The following ATG4B variants were observed in gnomAD, a reference collection of about 807,000 sequenced individuals.
ATG4B encodes cysteine protease ATG4B.
Under a neutral mutation model 56.6 loss-of-function variants are expected in ATG4B, and 29 were observed. The ratio of observed to expected loss-of-function variants is 0.51; its 90% CI spans 0.38 to 0.70. ATG4B has a LOEUF of 0.70. Ranked by LOEUF, ATG4B falls within the 30% of genes least tolerant of loss-of-function variation. The pLI is 0.00. For missense variants in ATG4B, 461 were observed against 515.5 expected (o/e 0.89, Z 1.02); for synonymous variants, 224 against 206.1 (o/e 1.09, Z -0.74).
In ATG4B at chr2:241,653,573, CT is replaced by C; in HGVS notation, c.249del (p.Phe83LeufsTer10). On this transcript the variant is annotated frameshift_variant, in exon 4 of 13. Coordinates refer to ENST00000404914, the MANE Select transcript of ATG4B (RefSeq NM_013325.5). LOFTEE classifies it high-confidence loss of function. ...GCATGCTGCGGTGTGGACAGATGAT[CT>C]TTGCCCAAGCCCTGGTGTGCCGGCA... The part of the protein sequence containing the change: ...GCMLRCGQMI[F>X]AQALVCRHLG... 6.3e-7 allele frequency: 1 copy of C among 1,578,968 alleles called. No homozygotes were observed. Among genetic ancestry groups the C allele is most frequent in the Non-Finnish European group, 8.6e-7 (1 of 1,162,376 alleles).
At chr2:241,657,677 T>C (rs1179422317) in intron 6 of ATG4B, among the ~76,000 whole-genome samples, 2 of 152,162 alleles carry the variant, frequency 1.3e-5, no homozygotes, top group African/African-American at 4.8e-5. Flanking sequence ...TCAAAATATG[T>C]CCAGACTCTG....
intron 7 of ATG4B, among the ~76,000 whole-genome samples, chr2:241,663,113 A>AAG (rs2068642240): frequency 1.3e-5 from 2 of 152,168 alleles, no homozygotes; most frequent in Non-Finnish European, 2.9e-5. Context: ...CGCCCTCGTA[A>AAG]TCCCAGCTGC....
chr2:241,666,341 G>T (rs1330170263), intron 7 of ATG4B, among the ~76,000 whole-genome samples: 1 of 152,358 alleles, frequency 6.6e-6, no homozygotes, highest in East Asian at 1.9e-4. Flanking sequence ...GGCTGCGTGG[G>T]TACTTCTGTG....
intron 11 of ATG4B, 39 bp from the exon 12 acceptor site, chr2:241,671,273 G>A: frequency 6.4e-7 from 1 of 1,563,964 alleles, no homozygotes; most frequent in South Asian, 1.1e-5. Context: ...AGCAAGCACT[G>A]GGGTGAGGCT....
chr2:241,666,483 A>C (rs2068775554), intron 7 of ATG4B, 162 bp from the exon 8 acceptor site: 4 of 735,870 alleles, frequency 5.4e-6, no homozygotes, highest in East Asian at 5.5e-5. Context: ...ATTATGAAAA[A>C]ATTTTCTTAC....
chr2:241,665,128 A>AT (rs1429023378), intron 7 of ATG4B, among the ~76,000 whole-genome samples: 1 of 152,208 alleles, frequency 6.6e-6, no homozygotes, highest in Non-Finnish European at 1.5e-5. Flanking sequence ...TCTAAAAGAA[A>AT]TTTAAAAAGT....
rs2068941532 is a variant in ATG4B, at chr2:241,670,723, T to C, written c.958-3T>C. ...TGTTCTGCTCATCGTCATTTCGTTT[T>C]AGGGGTTTTTCTGTAAGACTGAAGA... is the stretch of plus-strand genomic sequence containing the variant. On this transcript the variant is annotated splice_region_variant and splice_polypyrimidine_tract_variant and intron_variant, in intron 10 of 12. Transcript: ENST00000404914. 1 of 1,609,594 alleles carries C rather than the reference T, an allele frequency of 6.2e-7. No homozygotes were observed. The highest frequency in any genetic ancestry group is 8.5e-7 in the Non-Finnish European group (1 of 1,177,826).
At position 241,653,516 on chromosome 2, in the gene ATG4B, GA is replaced by G; in HGVS notation, c.190del (p.Thr64GlnfsTer18). ...YRKNFPAIGG[T>X]GPTSDTGWGC... ...TCTCTCTGTCTGCCACGACAGGGGGGACAGGCCCCACCTCGGACACAGGCTG... is the reference window on the plus strand; with the variant it reads ...TCTCTCTGTCTGCCACGACAGGGGGGCAGGCCCCACCTCGGACACAGGCTG... On this transcript the variant is annotated frameshift_variant, in exon 4 of 13. Transcript: ENST00000404914. LOFTEE classifies it high-confidence loss of function. 2 of 1,578,218 alleles carry G rather than the reference GA, an allele frequency of 1.3e-6. No homozygotes were observed. Among genetic ancestry groups the G allele is most frequent in the Non-Finnish European group, 1.7e-6 (2 of 1,161,924 alleles).
chr2:241,646,604 G>A (rs1413317350), intron 1 of ATG4B, among the ~76,000 whole-genome samples: 5 of 152,008 alleles, frequency 3.3e-5, no homozygotes, highest in African/African-American at 9.7e-5. Flanking sequence ...AGATACTCTC[G>A]AGATGCCAGA....
At chr2:241,654,801 T>TCACATCACCCCCGTGTCATCC in intron 5 of ATG4B, 154 bp downstream of exon 5, 2 of 648,102 alleles carry the variant, frequency 3.1e-6, no homozygotes, top group Non-Finnish European at 5.5e-6. Context: ...TGCGCTGCTG[T>TCACATCACCCCCGTGTCATCC]CACATCACCC....
intron 7 of ATG4B, 92 bp from the exon 8 acceptor site, chr2:241,666,553 T>C (rs866376962): frequency 2.5e-5 from 34 of 1,373,254 alleles, no homozygotes; most frequent in Middle Eastern, 3.5e-4. Context: ...GTACCGCCCT[T>C]TTTCTGTTAC....
intron 6 of ATG4B, 72 bp from the exon 7 acceptor site, chr2:241,659,036 C>A: frequency 1.6e-6 from 2 of 1,239,728 alleles, no homozygotes; most frequent in Non-Finnish European, 2.2e-6. Flanking sequence ...CTCCTTCGCG[C>A]AGCTATAGCT....
Position 241,645,716 on chromosome 2 carries a change from T to C in ATG4B, c.11-5294T>C, listed in dbSNP as rs573026305. ...TGCTCCAGGTGTGACGTGTGGACAC[T>C]CCCCACTTGCAGCGTCCTCCACAGT... On this transcript the variant is annotated intron_variant, in intron 1 of 12. Coordinates refer to ENST00000404914, the MANE Select transcript of ATG4B (RefSeq NM_013325.5). Among the ~76,000 whole-genome samples, 25 of 152,196 alleles carry C rather than the reference T, an allele frequency of 1.6e-4. No homozygotes were observed. In the East Asian group the frequency reaches 4.6e-3, roughly 28 times the overall value.
chr2:241,655,916 C>T (rs773815046), intron 6 of ATG4B, among the ~76,000 whole-genome samples: 4 of 152,232 alleles, frequency 2.6e-5, no homozygotes, highest in Admixed American at 6.5e-5. Context: ...GTTTCAGCTT[C>T]GTGTCCACTC....
At position 241,668,242 on chromosome 2, in the gene ATG4B, G is replaced by A. The variant is rs762878139; in HGVS notation, c.811+21G>A. ...CGTTGGTGAGTCCAGGGTTCCCACC[G>A]TGTCCCTGTGGGCCTGGGCCTTTTA... is the stretch of plus-strand genomic sequence containing the variant. On this transcript the variant is annotated intron_variant, in intron 9 of 12. Coordinates refer to ENST00000404914, the MANE Select transcript of ATG4B (RefSeq NM_013325.5). The surrounding 1 kb of genome is among the most constrained non-coding windows in gnomAD (Gnocchi z 4.2). The A allele has an allele frequency of 3.5e-5, 56 of 1,578,596 alleles. 1 individual carries two copies. The Middle Eastern group carries it at 9.9e-4, about 28-fold the overall frequency.
At chr2:241,671,028 G>A (rs2068951798) in intron 11 of ATG4B, among the ~76,000 whole-genome samples, 1 of 152,234 alleles carries the variant, frequency 6.6e-6, no homozygotes. Flanking sequence ...GATTTCCAGT[G>A]TCCTCATCCG....
intron 1 of ATG4B, among the ~76,000 whole-genome samples, chr2:241,648,921 T>C (rs2068145715): frequency 6.6e-6 from 1 of 152,268 alleles, no homozygotes; most frequent in Non-Finnish European, 1.5e-5. Context: ...TGTGTGCCTT[T>C]GACCCTGTGG....
intron 7 of ATG4B, chr2:241,659,555 C>T (rs1477931971): frequency 8.4e-6 from 3 of 355,286 alleles, no homozygotes; most frequent in South Asian, 4.2e-5. Flanking sequence ...GCAACCATCT[C>T]TAGCTGCACC....
chr2:241,659,173 T>G lies in ATG4B; in HGVS notation c.524T>G (p.Val175Gly), dbSNP rs775827018. Reference protein sequence around the residue: ...AVHIAMDNTVVMEEIRRLCRT... With the variant: ...AVHIAMDNTVGMEEIRRLCRT... ...CACATTGCAATGGACAACACTGTTG[T>G]GATGGAGGAAATCAGTAAGTGGCTC... The change falls in exon 7 of 13, where the codon GTG (valine) becomes GGG (glycine). Residue 175 changes from valine (V) to glycine (G), a missense_variant. By Grantham distance (109) the Val-to-Gly change is moderately radical. Coordinates refer to ENST00000404914, the MANE Select transcript of ATG4B (RefSeq NM_013325.5). 12 of 1,613,706 alleles carry G rather than the reference T, an allele frequency of 7.4e-6. No homozygotes were observed. In the East Asian group the frequency reaches 2.2e-4, roughly 30 times the overall value.
Sources: gnomAD v4.1 joint callset for allele counts (sites outside exome capture counted in the v4.1 genomes callset) on GRCh38, gnomAD v4.1.1 for gene constraint, Gnocchi (gnomAD v3.1) non-coding constraint, MANE v1.5 for transcripts, NCBI Gene and HGNC (gene_info 2026-07-23, HGNC 2026-07-21) for gene names.